Variants in DPY19L1 observed in about 807,000 individuals in gnomAD.
DPY19L1 encodes the protein protein C-mannosyl-transferase DPY19L1.
A neutral mutation model predicts 96.9 loss-of-function variants in DPY19L1; 35 were observed. The observed-to-expected ratio is 0.36, with a 90% CI of 0.28 to 0.48. DPY19L1 has a LOEUF of 0.48. Among genes scored for constraint, DPY19L1 ranks in the 20% least tolerant of loss-of-function variants. The pLI is 0.99. For synonymous variants in DPY19L1, 205 were observed against 252.6 expected (o/e 0.81, Z 1.79); for missense variants, 521 against 777.9 (o/e 0.67, Z 3.93).
At chr7:34,997,976 G>C (rs1418033572) in intron 6 of DPY19L1, among the ~76,000 whole-genome samples, 1 of 152,090 alleles carries the variant, frequency 6.6e-6, no homozygotes, top group Non-Finnish European at 1.5e-5. Flanking sequence ...AGATGTAAAG[G>C]GGGACATCAA....
chr7:35,023,833 C>CTTTT (rs755619806), intron 1 of DPY19L1, among the ~76,000 whole-genome samples: 21,091 of 111,268 alleles, frequency 0.19, 2,246 homozygotes, highest in Non-Finnish European at 0.25. Flanking sequence ...CTTTTCTTTT[C>CTTTT]TTTTTTTTTT....
intron 8 of DPY19L1, among the ~76,000 whole-genome samples, chr7:34,970,061 C>T (rs1183388699): frequency 1.3e-5 from 2 of 152,116 alleles, no homozygotes; most frequent in Admixed American, 1.3e-4. Context: ...TCTGAAGCAA[C>T]CTTTAGAGAT....
Position 34,938,050 on chromosome 7 carries a change from T to C in DPY19L1, c.2034A>G (p.Ile678Met), listed in dbSNP as rs1187469523. Residue 678 changes from isoleucine to methionine, a missense_variant, in exon 21 of 22, where the codon ATA becomes ATG. Transcript: ENST00000638088. ...KAAEEVKREL[I>M]KLKVNYYILE... Reference sequence around the variant, plus strand: ...GAATGTAATAGTTCACTTTTAACTTTATCAGTTCTCGCTTCACTTCTTCGG... The same window carrying C: ...GAATGTAATAGTTCACTTTTAACTTCATCAGTTCTCGCTTCACTTCTTCGG... 6.2e-7 allele frequency: 1 copy of C among 1,614,038 alleles called. No homozygotes were observed. The highest frequency in any genetic ancestry group is 1.1e-5 in the South Asian group (1 of 91,080).
intron 6 of DPY19L1, among the ~76,000 whole-genome samples, chr7:34,997,050 G>A (rs1293214570): frequency 1.3e-5 from 2 of 152,110 alleles, no homozygotes; most frequent in African/African-American, 4.8e-5. Flanking sequence ...AGAGGAAAGA[G>A]GAAAGTCATG....
chr7:34,958,262 C>G (rs2128786914), intron 10 of DPY19L1, among the ~76,000 whole-genome samples, 192 bp from the exon 11 acceptor site: 1 of 152,266 alleles, frequency 6.6e-6, no homozygotes, highest in East Asian at 1.9e-4. Flanking sequence ...CCTGTTTATC[C>G]TTCCAGACAA....
intron 7 of DPY19L1, among the ~76,000 whole-genome samples, chr7:34,981,203 T>C (rs1240037018): frequency 6.6e-6 from 1 of 152,046 alleles, no homozygotes; most frequent in Admixed American, 6.6e-5. Context: ...ACCAGCCAAA[T>C]CTGTGACAAT....
intron 10 of DPY19L1, among the ~76,000 whole-genome samples, chr7:34,960,683 G>C (rs1349291885): frequency 1.3e-5 from 2 of 152,046 alleles, no homozygotes; most frequent in African/African-American, 4.8e-5. Context: ...TGGCATTAAT[G>C]GAAATAGGAA....
At chr7:34,998,796 C>A (rs1342516232) in intron 6 of DPY19L1, among the ~76,000 whole-genome samples, 1 of 152,190 alleles carries the variant, frequency 6.6e-6, no homozygotes, top group African/African-American at 2.4e-5. Flanking sequence ...AATCAGCAGG[C>A]TGTGGGGATG....
At chr7:34,957,767 G>A (rs1013562013) in intron 11 of DPY19L1, among the ~76,000 whole-genome samples, 6 of 151,638 alleles carry the variant, frequency 4.0e-5, no homozygotes, top group African/African-American at 1.2e-4. Context: ...GAAGGGAGAA[G>A]AAAGCATAGA....
intron 6 of DPY19L1, among the ~76,000 whole-genome samples, chr7:35,002,147 A>G (rs2128675717): frequency 6.6e-6 from 1 of 151,114 alleles, no homozygotes; most frequent in East Asian, 1.9e-4. Flanking sequence ...AAAAAACAAA[A>G]CAAAAAACAA....
chr7:35,016,945 C>T (rs1785863728), intron 3 of DPY19L1, among the ~76,000 whole-genome samples: 1 of 148,352 alleles, frequency 6.7e-6, no homozygotes, highest in Admixed American at 6.7e-5. Flanking sequence ...TACACATCAA[C>T]TAAATGCAAT....
chr7:34,933,865 CTTCT>C (rs895815392), intron 21 of DPY19L1, among the ~76,000 whole-genome samples: 1 of 152,116 alleles, frequency 6.6e-6, no homozygotes, highest in Non-Finnish European at 1.5e-5. Context: ...CTCAGACTGG[CTTCT>C]TTGTTCCTCA....
At chr7:35,019,461 A>G (rs1785938199) in intron 1 of DPY19L1, among the ~76,000 whole-genome samples, 1 of 152,068 alleles carries the variant, frequency 6.6e-6, no homozygotes, top group Non-Finnish European at 1.5e-5. Context: ...TCTCAAAAAA[A>G]CAAAAGAAAG....
Position 35,011,398 on chromosome 7 carries a change from C to A in DPY19L1, c.602G>T (p.Gly201Val). 3 of 1,613,292 alleles carry A rather than the reference C, an allele frequency of 1.9e-6. No individual in the cohort carries two copies. Among genetic ancestry groups the A allele is most frequent in the Non-Finnish European group, 2.5e-6 (3 of 1,179,674 alleles). Residue 201 changes from glycine (G) to valine (V), a missense_variant, in exon 5 of 22, where the codon GGT (glycine) becomes GTT (valine). Physicochemically the swap from Gly to Val is moderately radical, Grantham distance 109. Transcript: ENST00000638088. ...CGTCCAACATATCTTGGTTTGAATA[C>A]CAATCAAGTCCATTATTTTGGTATA... ...RIYTKIMDLI[G>V]IQTKICWTVT...
intron 10 of DPY19L1, among the ~76,000 whole-genome samples, chr7:34,959,862 T>C (rs1164551605): frequency 6.8e-6 from 1 of 146,480 alleles, no homozygotes; most frequent in East Asian, 2.0e-4. Flanking sequence ...TTAAAGTATA[T>C]ATATATATTT....
At chr7:34,984,676 T>C (rs142082705) in intron 7 of DPY19L1, among the ~76,000 whole-genome samples, 1,950 of 152,324 alleles carry the variant, frequency 0.013, 11 homozygotes, top group Middle Eastern at 0.02. Context: ...CTTCATAAAA[T>C]TATACATCTT....
rs375515767 is a variant in DPY19L1 at position 35,008,372 on chromosome 7, T to C, written c.764+2096A>G. Reference sequence around the variant, plus strand: ...AACTGTCTACCAGGCACCACAGGGTTAGGTCAGGTCAGGGCCAAAACCACC... The same window carrying C: ...AACTGTCTACCAGGCACCACAGGGTCAGGTCAGGTCAGGGCCAAAACCACC... On this transcript the variant is annotated intron_variant, in intron 6 of 21. Transcript: ENST00000638088. Among the ~76,000 whole-genome samples, 15 of 152,310 alleles carry C rather than the reference T, an allele frequency of 9.8e-5. No individual in the cohort carries two copies. The East Asian group carries it at 2.7e-3, about 27-fold the overall frequency.
At position 35,037,371 on chromosome 7, in the gene DPY19L1, C is replaced by T. The variant is rs1786455102; in HGVS notation, c.24G>A (p.Lys8=). Reference sequence around the variant, plus strand: ...GCGGCTTGGGAGCCGCCTCCCGGTGCTTGTTCCGCGCCTGCAGGACCATCT... The same window carrying T: ...GCGGCTTGGGAGCCGCCTCCCGGTGTTTGTTCCGCGCCTGCAGGACCATCT... The part of the protein sequence containing the change: MVLQARN[K]HREAAPKPPQ... The change falls in exon 1 of 22, where the codon AAG becomes AAA. Residue 8 remains lysine, a synonymous_variant. Transcript: ENST00000638088. 1 of 353,464 alleles carries T rather than the reference C, an allele frequency of 2.8e-6. No individual in the cohort carries two copies. Among genetic ancestry groups the T allele is most frequent in the East Asian group, 4.1e-5 (1 of 24,444 alleles). 21.9% of individuals were successfully genotyped at this position (353,464 alleles called of 1,614,324 possible). A position where few individuals can be genotyped will look rare whatever the true frequency, so the allele number is the denominator to read the frequency against.
intron 16 of DPY19L1, among the ~76,000 whole-genome samples, chr7:34,944,146 C>T (rs967764910): frequency 1.3e-5 from 2 of 151,932 alleles, no homozygotes; most frequent in African/African-American, 2.4e-5. Flanking sequence ...AGGCAGATCA[C>T]GAGTTCATGA....
Sources: allele counts gnomAD v4.1 joint callset (sites outside exome capture counted in the v4.1 genomes callset), GRCh38; gene constraint gnomAD v4.1.1; transcripts MANE v1.5; gene names NCBI Gene and HGNC (gene_info 2026-07-23, HGNC 2026-07-21).